SSBP3: variants seen among roughly 807,000 people sequenced by gnomAD.
SSBP3 encodes single stranded DNA binding protein 3.
In SSBP3, 5 loss-of-function variants were observed where a neutral mutation model predicts 69.6. The ratio of observed to expected loss-of-function variants is 0.07; its 90% CI spans 0.04 to 0.15. The LOEUF (loss-of-function observed/expected upper bound fraction) is 0.15. Among genes scored for constraint, SSBP3 ranks in the 10% least tolerant of loss-of-function variants. SSBP3 has a pLI of 1.00. For missense variants in SSBP3, 312 were observed against 534.0 expected (o/e 0.58, Z 4.10); for synonymous variants, 196 against 193.4 (o/e 1.01, Z -0.11).
chr1:54,234,168 C>T (rs1644444032), intron 14 of SSBP3, among the ~76,000 whole-genome samples: 1 of 151,338 alleles, frequency 6.6e-6, no homozygotes, highest in South Asian at 2.1e-4. Flanking sequence ...TAAGAGTCGT[C>T]ACCACTCCCT....
At chr1:54,392,174 G>C (rs1449133983) in intron 4 of SSBP3, among the ~76,000 whole-genome samples, 4 of 152,148 alleles carry the variant, frequency 2.6e-5, no homozygotes, top group African/African-American at 9.7e-5. Flanking sequence ...AGAGACAACG[G>C]TACCAAGTGC....
intron 5 of SSBP3, among the ~76,000 whole-genome samples, chr1:54,262,143 C>G (rs1645027380): frequency 6.6e-6 from 1 of 152,164 alleles, no homozygotes; most frequent in African/African-American, 2.4e-5. Context: ...ATTTTCTTGA[C>G]AGTGGAATGG....
At chr1:54,294,690 C>T (rs376115877) in intron 4 of SSBP3, among the ~76,000 whole-genome samples, 6 of 152,158 alleles carry the variant, frequency 3.9e-5, no homozygotes, top group Non-Finnish European at 7.4e-5. Flanking sequence ...CCAGTCCTCT[C>T]GGCCAGCCTC....
chr1:54,361,494 T>A (rs1418246562), intron 4 of SSBP3, among the ~76,000 whole-genome samples: 2 of 151,802 alleles, frequency 1.3e-5, no homozygotes, highest in African/African-American at 2.4e-5. Context: ...TCCCGCTGAG[T>A]GTGGGATAAG....
At chr1:54,225,998 A>C (rs996771725) in exon 18 of SSBP3, 1 of 152,320 alleles carries the variant, frequency 6.6e-6, no homozygotes, top group South Asian at 2.1e-4. Flanking sequence ...AAACAAAGAA[A>C]ACCGGAACTC....
In SSBP3 at chr1:54,249,978, C is replaced by A. The variant is rs546512702; in HGVS notation, c.651+1638G>T. Among the ~76,000 whole-genome samples, 7 of 152,258 alleles carry A rather than the reference C, an allele frequency of 4.6e-5. No homozygotes were observed. The South Asian group carries it at 1.4e-3, about 32-fold the overall frequency. On this transcript the variant is annotated intron_variant, in intron 9 of 17. Transcript: ENST00000610401. ...CACAGATCCCATGACATCTGACAAT[C>A]CAAGGCCACTGCTGATTTCTACACC... is the stretch of plus-strand genomic sequence containing the variant.
At chr1:54,345,986 C>CAA (rs74870023) in intron 4 of SSBP3, among the ~76,000 whole-genome samples, 5,485 of 134,348 alleles carry the variant, frequency 0.041, 154 homozygotes, top group Non-Finnish European at 0.056. Context: ...CACAAAAATA[C>CAA]AAAAAAAAAA....
At chr1:54,288,534 G>A (rs576740406) in intron 4 of SSBP3, among the ~76,000 whole-genome samples, 50 of 150,658 alleles carry the variant, frequency 3.3e-4, no homozygotes, top group Non-Finnish European at 7.4e-4. Flanking sequence ...GAATGCAAGA[G>A]GGGCTGGAGA....
chr1:54,241,737 G>T (rs1182008873), intron 11 of SSBP3, among the ~76,000 whole-genome samples: 1 of 152,220 alleles, frequency 6.6e-6, no homozygotes, highest in Non-Finnish European at 1.5e-5. Context: ...GTCCTGGGAG[G>T]GAGCCACAGA....
At chr1:54,334,527 A>T (rs1426231130) in intron 4 of SSBP3, among the ~76,000 whole-genome samples, 1 of 151,918 alleles carries the variant, frequency 6.6e-6, no homozygotes, top group Non-Finnish European at 1.5e-5. Flanking sequence ...TCTGAGTCTG[A>T]CCTGGATTAC....
intron 5 of SSBP3, among the ~76,000 whole-genome samples, chr1:54,276,436 C>T (rs1326203373): frequency 6.6e-6 from 1 of 151,680 alleles, no homozygotes; most frequent in Non-Finnish European, 1.5e-5. Flanking sequence ...CATGGTGAAA[C>T]CCCATCTCTA....
chr1:54,259,085 G>A (rs1644972840), intron 5 of SSBP3, among the ~76,000 whole-genome samples: 1 of 151,982 alleles, frequency 6.6e-6, no homozygotes, highest in Non-Finnish European at 1.5e-5. Context: ...CGACTGGGTG[G>A]GCTATCCTTT....
At chr1:54,347,227 C>A (rs1646704190) in intron 4 of SSBP3, among the ~76,000 whole-genome samples, 1 of 152,208 alleles carries the variant, frequency 6.6e-6, no homozygotes, top group African/African-American at 2.4e-5. Flanking sequence ...CTTGGCCTCC[C>A]AAAGTACTGG....
chr1:54,330,009 A>G (rs1293836484), intron 4 of SSBP3, among the ~76,000 whole-genome samples: 1 of 152,146 alleles, frequency 6.6e-6, no homozygotes, highest in Non-Finnish European at 1.5e-5. Context: ...CTGGCGCCCC[A>G]CCATACTGAT....
At chr1:54,262,711 T>C (rs1297680038) in intron 5 of SSBP3, among the ~76,000 whole-genome samples, 1 of 152,226 alleles carries the variant, frequency 6.6e-6, no homozygotes, top group Non-Finnish European at 1.5e-5. Context: ...CATGTAGGCC[T>C]GGTACCCCCA....
chr1:54,250,351 A>T (rs1041162325), intron 9 of SSBP3, among the ~76,000 whole-genome samples: 1 of 152,144 alleles, frequency 6.6e-6, no homozygotes, highest in Non-Finnish European at 1.5e-5. Flanking sequence ...CACAGAGAAG[A>T]AAGCGGTGGC....
In SSBP3 at chr1:54,258,332, C is replaced by T. The variant is rs987516567; in HGVS notation, c.367-183G>A. ...TGGTCGCCGGCTCAACGGTGTAAAA[C>T]GGCGAGCGGGAGCGAGAGAAGCTGA... On this transcript the variant is annotated intron_variant, in intron 5 of 17. Coordinates refer to ENST00000610401, the Ensembl canonical transcript of SSBP3. The surrounding 1 kb of genome is among the most constrained non-coding windows in gnomAD (Gnocchi z 4.5). 3.9e-5 allele frequency among the ~76,000 whole-genome samples: 6 copies of T among 152,158 alleles called. No individual in the cohort carries two copies. Among genetic ancestry groups the T allele is most frequent in the Non-Finnish European group, 7.4e-5 (5 of 68,022 alleles).
intron 4 of SSBP3, among the ~76,000 whole-genome samples, chr1:54,363,023 T>C (rs542488781): frequency 6.6e-6 from 1 of 151,906 alleles, no homozygotes; most frequent in East Asian, 1.9e-4. Context: ...ACACAGGGAG[T>C]CTTGGAAAGA....
intron 5 of SSBP3, among the ~76,000 whole-genome samples, chr1:54,270,029 A>G (rs1645166642): frequency 6.6e-6 from 1 of 152,236 alleles, no homozygotes; most frequent in Non-Finnish European, 1.5e-5. Flanking sequence ...TTATGAATGT[A>G]TGCTGAAGGA....
Sources: gnomAD v4.1 joint callset for allele counts (sites outside exome capture counted in the v4.1 genomes callset) on GRCh38, gnomAD v4.1.1 for gene constraint, Gnocchi (gnomAD v3.1) non-coding constraint, MANE v1.5 for transcripts, NCBI Gene and HGNC (gene_info 2026-07-23, HGNC 2026-07-21) for gene names.